The following MROH1 variants were observed in gnomAD, a reference collection of about 807,000 sequenced individuals.
MROH1 encodes maestro heat like repeat family member 1, also known as maestro heat-like repeat-containing protein family member 1.
MROH1 carries 117 observed loss-of-function variants against 116.5 expected under a neutral mutation model. The observed-to-expected ratio is 1.00, with a 90% CI of 0.86 to 1.17. MROH1 has a LOEUF of 1.17. Ranked by LOEUF, MROH1 falls within the 50% of genes most tolerant of loss-of-function variation. The pLI is 0.00. For synonymous variants in MROH1, 921 were observed against 583.9 expected (o/e 1.58, Z -8.32); for missense variants, 1,873 against 1,338.5 (o/e 1.40, Z -6.23).
chr8:144,214,853 T>C (rs2132210489), intron 12 of MROH1, among the ~76,000 whole-genome samples: 1 of 152,316 alleles, frequency 6.6e-6, no homozygotes, highest in East Asian at 1.9e-4. Context: ...GGTCCCACAA[T>C]AGGTGGTCTG....
chr8:144,238,752 C>A lies in MROH1; in HGVS notation c.1339-4C>A. On this transcript the variant is annotated splice_polypyrimidine_tract_variant and splice_region_variant and intron_variant, in intron 14 of 43. Coordinates refer to ENST00000326134, the MANE Select transcript of MROH1 (RefSeq NM_032450.3). ...GCACGCCTTTGCCTTTTGCCTTCCT[C>A]CAGCCTGAGAAGCCAGGCCCCGGCA... The A allele has an allele frequency of 1.3e-6, 1 of 771,464 alleles. No homozygotes were observed. 47.8% of individuals were successfully genotyped at this position (771,464 alleles called of 1,614,324 possible).
In MROH1 at chr8:144,240,442, C is replaced by T. The variant is rs979500963; in HGVS notation, c.1828-128C>T. ...GCTGTCCCCTGAGGGTTGGCTCTGCCGCCCCCGGCCTCCGCTGGAAGGCGG... is the reference window on the plus strand; with the variant it reads ...GCTGTCCCCTGAGGGTTGGCTCTGCTGCCCCCGGCCTCCGCTGGAAGGCGG... On this transcript the variant is annotated intron_variant, in intron 19 of 43. Coordinates refer to ENST00000326134, the MANE Select transcript of MROH1 (RefSeq NM_032450.3). The T allele has an allele frequency of 1.9e-4, 133 of 694,604 alleles. 1 individual carries two copies. In the African/African-American group the frequency reaches 2.0e-3, roughly 10 times the overall value. 43.0% of individuals were successfully genotyped at this position (694,604 alleles called of 1,614,324 possible).
rs1431278627 is a variant in MROH1 at position 144,180,562 on chromosome 8, C to A, written c.562+39C>A. 7 of 1,584,864 alleles carry A rather than the reference C, an allele frequency of 4.4e-6. No individual in the cohort carries two copies. On this transcript the variant is annotated intron_variant, in intron 7 of 43. Transcript: ENST00000326134. The surrounding 1 kb of genome is among the most constrained non-coding windows in gnomAD (Gnocchi z 7.4). The stretch of plus-strand genomic sequence containing the variant: ...TCGTCACCTTCTGTCTCAAGTGCCC[C>A]TTTGTGGGGGGCTGTTCCCGGGCAT...
At chr8:144,193,495 G>A (rs1829123199) in intron 10 of MROH1, among the ~76,000 whole-genome samples, 1 of 152,190 alleles carries the variant, frequency 6.6e-6, no homozygotes, top group South Asian at 2.1e-4. Flanking sequence ...AGTCAGAGCC[G>A]TATAAGGAAA....
intron 15 of MROH1, 77 bp from the exon 16 acceptor site, chr8:144,238,958 C>T (rs1243186371): frequency 2.6e-6 from 2 of 770,202 alleles, no homozygotes; most frequent in African/African-American, 3.4e-5. Context: ...CTGTCTCCAC[C>T]TTGGAGCTCC....
At chr8:144,240,533 C>T (rs995643816) in intron 19 of MROH1, 37 bp from the exon 20 acceptor site, 23 of 713,982 alleles carry the variant, frequency 3.2e-5, no homozygotes, top group Middle Eastern at 3.4e-4. Context: ...TGTGAGGGGT[C>T]GGGCTCCCAG....
intron 35 of MROH1, 107 bp downstream of exon 35, chr8:144,255,812 G>A (rs934044261): frequency 9.2e-6 from 6 of 651,756 alleles, no homozygotes; most frequent in Admixed American, 2.2e-5. Flanking sequence ...CGGGGAGTGT[G>A]GGAGTGACTT....
intron 10 of MROH1, 159 bp downstream of exon 10, chr8:144,192,560 G>A (rs1399310389): frequency 1.5e-5 from 11 of 717,252 alleles, no homozygotes; most frequent in African/African-American, 5.2e-5. Flanking sequence ...ACTTCTTAGC[G>A]ATGTGGCGAT....
chr8:144,248,307 G>T (rs1054021034), intron 31 of MROH1, among the ~76,000 whole-genome samples: 1 of 152,062 alleles, frequency 6.6e-6, no homozygotes, highest in Non-Finnish European at 1.5e-5. Flanking sequence ...TTACGGGGGG[G>T]AAAAAAAGAG....
At chr8:144,213,312 T>C in intron 12 of MROH1, 1 of 491,814 alleles carries the variant, frequency 2.0e-6, no homozygotes, top group Non-Finnish European at 3.6e-6. Flanking sequence ...ACCTCATGCT[T>C]GCTGATCATA....
intron 1 of MROH1, among the ~76,000 whole-genome samples, chr8:144,159,718 C>T (rs1482799214): frequency 1.3e-5 from 2 of 151,140 alleles, no homozygotes; most frequent in African/African-American, 4.9e-5. Context: ...TTGGTTGGTT[C>T]ATCCTCACAA....
chr8:144,218,472 T>C (rs1310157237), intron 12 of MROH1, among the ~76,000 whole-genome samples: 1 of 151,866 alleles, frequency 6.6e-6, no homozygotes, highest in East Asian at 1.9e-4. Context: ...TGTTGGCCCT[T>C]GAGATTTTTT....
chr8:144,239,462 G>A, intron 17 of MROH1, 99 bp downstream of exon 17: 1 of 774,864 alleles, frequency 1.3e-6, no homozygotes, highest in Non-Finnish European at 2.4e-6. Flanking sequence ...GGCAGCCGCG[G>A]TCAGGGCTCA....
intron 35 of MROH1, among the ~76,000 whole-genome samples, chr8:144,256,040 G>A (rs1254301290): frequency 6.6e-6 from 1 of 152,224 alleles, no homozygotes; most frequent in East Asian, 1.9e-4. Flanking sequence ...GTTGTGTGGA[G>A]TCTTTGGGGT....
Position 144,197,197 on chromosome 8 carries a change from A to T in MROH1, c.949-1925A>T, listed in dbSNP as rs992258123. Reference sequence around the variant, plus strand: ...CCAACTCAGGGTCCCTTGTTAGTTTACACCCATTCATGCGGTCTGCCTGGG... The same window carrying T: ...CCAACTCAGGGTCCCTTGTTAGTTTTCACCCATTCATGCGGTCTGCCTGGG... On this transcript the variant is annotated intron_variant, in intron 10 of 43. Coordinates refer to ENST00000326134, the MANE Select transcript of MROH1 (RefSeq NM_032450.3). Among the ~76,000 whole-genome samples, 7 of 152,142 alleles carry T rather than the reference A, an allele frequency of 4.6e-5. No individual in the cohort carries two copies. In the East Asian group the frequency reaches 1.4e-3, roughly 29 times the overall value.
chr8:144,186,437 G>A (rs969607458), intron 7 of MROH1, among the ~76,000 whole-genome samples: 2 of 152,002 alleles, frequency 1.3e-5, no homozygotes, highest in Non-Finnish European at 2.9e-5. Context: ...TTATTTTTGT[G>A]ACCTGAGCAT....
At position 144,241,523 on chromosome 8, in the gene MROH1, G is replaced by A; in HGVS notation, c.2178+6G>A. On this transcript the variant is annotated splice_donor_region_variant and intron_variant, in intron 22 of 43. Coordinates refer to ENST00000326134, the MANE Select transcript of MROH1 (RefSeq NM_032450.3). Reference sequence around the variant, plus strand: ...GCATTCTCAACATTTTTAAGGTTAGGGTGACACCGGTGCAGGGCTGGGGAC... The same window carrying A: ...GCATTCTCAACATTTTTAAGGTTAGAGTGACACCGGTGCAGGGCTGGGGAC... 1.5e-5 allele frequency: 12 copies of A among 778,382 alleles called. No individual in the cohort carries two copies. Among genetic ancestry groups the A allele is most frequent in the South Asian group, 1.2e-4 (9 of 74,474 alleles). 48.2% of individuals were successfully genotyped at this position (778,382 alleles called of 1,614,324 possible).
At chr8:144,171,183 C>T (rs1234725528) in intron 4 of MROH1, among the ~76,000 whole-genome samples, 1 of 152,226 alleles carries the variant, frequency 6.6e-6, no homozygotes, top group Non-Finnish European at 1.5e-5. Context: ...TGATGCCAGT[C>T]GCAAGCCCCA....
intron 1 of MROH1, among the ~76,000 whole-genome samples, chr8:144,159,098 C>G (rs900428948): frequency 9.9e-5 from 15 of 152,174 alleles, no homozygotes; most frequent in Admixed American, 9.2e-4. Flanking sequence ...TGGCTCACGC[C>G]TGTAATCCCA....
Sources: gnomAD v4.1 joint callset for allele counts (sites outside exome capture counted in the v4.1 genomes callset) on GRCh38, gnomAD v4.1.1 for gene constraint, Gnocchi (gnomAD v3.1) non-coding constraint, MANE v1.5 for transcripts, NCBI Gene and HGNC (gene_info 2026-07-23, HGNC 2026-07-21) for gene names.